TMTC2: variants seen among roughly 807,000 people sequenced by gnomAD.
TMTC2 encodes the protein transmembrane O-mannosyltransferase targeting cadherins 2.
In TMTC2, 43 loss-of-function variants were observed where a neutral mutation model predicts 82.4. That is an observed-to-expected ratio of 0.52 (90% CI 0.41 to 0.67). The LOEUF (loss-of-function observed/expected upper bound fraction) is 0.67. Ranked by LOEUF, TMTC2 falls within the 30% of genes least tolerant of loss-of-function variation. The probability of loss-of-function intolerance (pLI) is 0.00; values close to 1 mark genes in which losing one functional copy is unlikely to be tolerated. For synonymous variants in TMTC2, 408 were observed against 381.9 expected, an observed-to-expected ratio of 1.07 and a Z score of -0.80; for missense variants, 919 against 1,012.4, an observed-to-expected ratio of 0.91 and a Z score of 1.25.
At chr12:82,936,975 T>C (rs1876354364) in intron 4 of TMTC2, among the ~76,000 whole-genome samples, 1 of 152,208 alleles carries the variant, frequency 6.6e-6, no homozygotes, top group South Asian at 2.1e-4. Context: ...AGTATTAGGA[T>C]AACCACATTC....
At chr12:83,067,039 G>T (rs574185053) in intron 11 of TMTC2, among the ~76,000 whole-genome samples, 9 of 151,996 alleles carry the variant, frequency 5.9e-5, no homozygotes, top group African/African-American at 2.2e-4. Flanking sequence ...ATATACAAAA[G>T]AGAAGAGAAT....
Position 82,806,016 on chromosome 12 carries a change from G to A in TMTC2, c.84-50994G>A, listed in dbSNP as rs12371400. Among the ~76,000 whole-genome samples, 791 of 152,166 alleles carry A rather than the reference G, an allele frequency of 5.2e-3. 4 individuals are homozygous for A. The highest frequency in any genetic ancestry group is 0.018 in the African/African-American group (752 of 41,520). ...ATATCCTTGAGGCATATGCAGTTTAGTAGGGGAGGCAGAGAAGTAAGCAGA... is the reference window on the plus strand; with the variant it reads ...ATATCCTTGAGGCATATGCAGTTTAATAGGGGAGGCAGAGAAGTAAGCAGA... On this transcript the variant is annotated intron_variant, in intron 1 of 11. Transcript: ENST00000321196.
chr12:83,048,054 A>T (rs1036345), intron 9 of TMTC2, among the ~76,000 whole-genome samples: 20 of 152,146 alleles, frequency 1.3e-4, no homozygotes, highest in African/African-American at 3.9e-4. Flanking sequence ...ACAATTAATA[A>T]TTTCCTACAT....
At chr12:82,982,540 T>C (rs989372123) in intron 7 of TMTC2, among the ~76,000 whole-genome samples, 1 of 151,864 alleles carries the variant, frequency 6.6e-6, no homozygotes, top group African/African-American at 2.4e-5. Context: ...GTACATATTC[T>C]AGACTTAGAA....
chr12:82,741,447 A>G lies in TMTC2; in HGVS notation c.83+53778A>G, dbSNP rs570311706. Among the ~76,000 whole-genome samples, 278 of 152,236 alleles carry G rather than the reference A, an allele frequency of 1.8e-3. 1 individual carries two copies. Among genetic ancestry groups the G allele is most frequent in the Non-Finnish European group, 3.4e-3 (231 of 68,024 alleles). ...TGCCTTAGCCTCCTGAGTAGCTGGGACTACAGGCACGCGCCACCACGCCTG... is the reference window on the plus strand; with the variant it reads ...TGCCTTAGCCTCCTGAGTAGCTGGGGCTACAGGCACGCGCCACCACGCCTG... On this transcript the variant is annotated intron_variant, in intron 1 of 11. Transcript: ENST00000321196.
chr12:82,778,038 A>C (rs1877688994), intron 1 of TMTC2, among the ~76,000 whole-genome samples: 1 of 151,520 alleles, frequency 6.6e-6, no homozygotes, highest in Admixed American at 6.6e-5. Context: ...ACAAGGATTA[A>C]ATTTGGTCAT....
intron 1 of TMTC2, among the ~76,000 whole-genome samples, chr12:82,716,395 G>A (rs1371638514): frequency 1.4e-5 from 2 of 139,028 alleles, no homozygotes; most frequent in African/African-American, 2.7e-5. Flanking sequence ...ACGGAGTCTC[G>A]CTTTGTCGCC....
intron 8 of TMTC2, among the ~76,000 whole-genome samples, chr12:83,015,962 T>C (rs1880659334): frequency 6.6e-6 from 1 of 152,204 alleles, no homozygotes; most frequent in Admixed American, 6.5e-5. Flanking sequence ...TGCTAGTCAC[T>C]TCACACTCTA....
rs764599946 is a variant in TMTC2 at position 82,965,544 on chromosome 12, C to T, written c.1685-16C>T. The T allele has an allele frequency of 6.2e-7, 1 of 1,612,694 alleles. No individual in the cohort carries two copies. Among genetic ancestry groups the T allele is most frequent in the Non-Finnish European group, 8.5e-7 (1 of 1,179,116 alleles). ...TATCATCTTCTCACACTTTTGTTTC[C>T]ACTTTTCCCCCTCAGCTGCATATTT... On this transcript the variant is annotated splice_polypyrimidine_tract_variant and intron_variant, in intron 5 of 11. Coordinates refer to ENST00000321196, the MANE Select transcript of TMTC2 (RefSeq NM_152588.3).
At chr12:82,842,413 A>G (rs1870390199) in intron 1 of TMTC2, among the ~76,000 whole-genome samples, 1 of 152,138 alleles carries the variant, frequency 6.6e-6, no homozygotes, top group Admixed American at 6.5e-5. Flanking sequence ...ACTGAGAATA[A>G]GATACCTCTT....
intron 1 of TMTC2, among the ~76,000 whole-genome samples, chr12:82,839,427 C>T (rs1258294009): frequency 2.0e-5 from 3 of 152,050 alleles, no homozygotes; most frequent in Non-Finnish European, 4.4e-5. Context: ...GTATTTTAGG[C>T]CATCATAAAT....
chr12:82,807,690 A>G (rs1419696612), intron 1 of TMTC2, among the ~76,000 whole-genome samples: 1 of 152,080 alleles, frequency 6.6e-6, no homozygotes, highest in Non-Finnish European at 1.5e-5. Context: ...GTCCTTACAG[A>G]AAGAGCTAAC....
chr12:83,105,041 A>G (rs997495605), intron 11 of TMTC2, among the ~76,000 whole-genome samples: 3 of 152,154 alleles, frequency 2.0e-5, no homozygotes, highest in Non-Finnish European at 4.4e-5. Flanking sequence ...AATTTCACAG[A>G]TCTCTAGTAC....
chr12:83,056,283 C>T (rs562954025), intron 10 of TMTC2, among the ~76,000 whole-genome samples: 151 of 151,996 alleles, frequency 9.9e-4, no homozygotes, highest in African/African-American at 3.3e-3. Context: ...GCAGCTGAGA[C>T]GTGTGCACTT....
At chr12:82,819,473 A>G (rs1868948926) in intron 1 of TMTC2, among the ~76,000 whole-genome samples, 1 of 149,652 alleles carries the variant, frequency 6.7e-6, no homozygotes, top group Admixed American at 6.7e-5. Context: ...TCATGATCTC[A>G]TAGTACTTTT....
At chr12:82,852,226 C>T (rs550522803) in intron 1 of TMTC2, among the ~76,000 whole-genome samples, 15 of 151,834 alleles carry the variant, frequency 9.9e-5, no homozygotes, top group African/African-American at 2.7e-4. Flanking sequence ...CTCAGCCTCC[C>T]GAGTAGCTGG....
chr12:82,808,400 CTT>C (rs1383170197), intron 1 of TMTC2, among the ~76,000 whole-genome samples: 1 of 152,058 alleles, frequency 6.6e-6, no homozygotes, highest in East Asian at 1.9e-4. Context: ...AATAAAATAA[CTT>C]TTATTGATAT....
intron 1 of TMTC2, among the ~76,000 whole-genome samples, chr12:82,714,026 A>G (rs1873776209): frequency 1.3e-5 from 2 of 152,238 alleles, no homozygotes; most frequent in Admixed American, 6.5e-5. Flanking sequence ...TGTAGAAATC[A>G]TTATTGCGAG....
chr12:82,690,517 T>C, intron 1 of TMTC2: 3 of 622,836 alleles, frequency 4.8e-6, no homozygotes, highest in Non-Finnish European at 6.0e-6. Context: ...TGTAGCTTGG[T>C]TGAAATTAAA....
Sources: allele counts gnomAD v4.1 joint callset (sites outside exome capture counted in the v4.1 genomes callset), GRCh38; gene constraint gnomAD v4.1.1; transcripts MANE v1.5; gene names NCBI Gene and HGNC (gene_info 2026-07-23, HGNC 2026-07-21).